Variants in MYRFL observed in about 807,000 individuals in gnomAD.
MYRFL encodes myelin regulatory factor-like protein.
MYRFL carries 88 observed loss-of-function variants against 109.4 expected under a neutral mutation model. That is an observed-to-expected ratio of 0.80 (90% CI 0.68 to 0.96). MYRFL has a LOEUF of 0.96. Ranked by LOEUF, MYRFL falls within the 40% of genes least tolerant of loss-of-function variation. The probability of loss-of-function intolerance (pLI) is 0.00; values close to 1 mark genes in which losing one functional copy is unlikely to be tolerated. For missense variants in MYRFL, 957 were observed against 954.9 expected, an observed-to-expected ratio of 1.00 and a Z score of -0.03; for synonymous variants, 324 against 320.9, an observed-to-expected ratio of 1.01 and a Z score of -0.10.
chr12:69,895,274 C>A, intron 8 of MYRFL, 97 bp from the exon 9 acceptor site: 5 of 891,972 alleles, frequency 5.6e-6, no homozygotes, highest in Non-Finnish European at 8.5e-6. Flanking sequence ...AACTGGGAAC[C>A]AAGCATAGAT....
intron 1 of MYRFL, among the ~76,000 whole-genome samples, chr12:69,845,285 A>G (rs1447139892): frequency 6.6e-6 from 1 of 152,106 alleles, no homozygotes; most frequent in Non-Finnish European, 1.5e-5. Flanking sequence ...TCTTTTTCAC[A>G]GCTGGGTCCC....
chr12:69,849,514 A>G (rs1488118567), intron 1 of MYRFL, among the ~76,000 whole-genome samples: 1 of 152,202 alleles, frequency 6.6e-6, no homozygotes, highest in Non-Finnish European at 1.5e-5. Context: ...TCATGAAAAT[A>G]CTTTGGATAC....
chr12:69,876,708 C>T (rs1885684582), intron 2 of MYRFL, among the ~76,000 whole-genome samples: 1 of 152,146 alleles, frequency 6.6e-6, no homozygotes, highest in Admixed American at 6.5e-5. Context: ...CTACGTTTTC[C>T]TCGAGTACAT....
intron 2 of MYRFL, among the ~76,000 whole-genome samples, chr12:69,864,305 G>A (rs1481334888): frequency 6.6e-6 from 1 of 151,696 alleles, no homozygotes; most frequent in Admixed American, 6.6e-5. Flanking sequence ...TTGATATTTT[G>A]CACAGGTCAC....
At chr12:69,869,617 T>A (rs147062730) in intron 2 of MYRFL, among the ~76,000 whole-genome samples, 157 of 152,328 alleles carry the variant, frequency 1.0e-3, no homozygotes, top group Middle Eastern at 3.4e-3. Flanking sequence ...TATTGGGCAC[T>A]GTGCTGAGCC....
chr12:69,956,867 A>AT (rs2120564564), intron 22 of MYRFL, among the ~76,000 whole-genome samples: 1 of 152,298 alleles, frequency 6.6e-6, no homozygotes, highest in African/African-American at 2.4e-5. Flanking sequence ...AAGTGCTATT[A>AT]TCTAGCACTC....
Position 69,879,277 on chromosome 12 carries a change from G to T in MYRFL, c.288G>T (p.Pro96=). Residue 96 remains proline (P), a synonymous_variant, in exon 4 of 25, where the codon CCG becomes CCT. Coordinates refer to ENST00000552032, the MANE Select transcript of MYRFL (RefSeq NM_182530.3). ...ACCCCACAGCTGCTCCTGCGATGCC[G>T]CCCATGCACCCGCTGCAGAGCACCT... ...FLHPTAAPAM[P]PMHPLQSTSG... 1.4e-6 allele frequency: 1 copy of T among 702,836 alleles called. No homozygotes were observed. Among genetic ancestry groups the T allele is most frequent in the Non-Finnish European group, 2.6e-6 (1 of 384,824 alleles). The allele number at this position is 702,836 out of a possible 1,614,324, so 43.5% of individuals were successfully genotyped here.
chr12:69,865,829 G>A (rs1884987136), intron 2 of MYRFL, among the ~76,000 whole-genome samples: 1 of 152,218 alleles, frequency 6.6e-6, no homozygotes, highest in Non-Finnish European at 1.5e-5. Flanking sequence ...CTACCTTTGA[G>A]GTGGGTGATG....
chr12:69,906,348 G>A (rs75008790), intron 11 of MYRFL, among the ~76,000 whole-genome samples: 5,386 of 152,202 alleles, frequency 0.035, 131 homozygotes, highest in South Asian at 0.054. Flanking sequence ...CATTGGCATC[G>A]TGTCTACTGA....
At chr12:69,908,940 G>A (rs74400778) in intron 11 of MYRFL, among the ~76,000 whole-genome samples, 28,108 of 151,778 alleles carry the variant, frequency 0.19, 3,785 homozygotes, top group African/African-American at 0.38. Flanking sequence ...AAAGGCCCCA[G>A]TGTATGTTGC....
chr12:69,833,828 CTTTT>C (rs11300053), intron 1 of MYRFL, among the ~76,000 whole-genome samples: 1 of 113,908 alleles, frequency 8.8e-6, no homozygotes, highest in Non-Finnish European at 1.7e-5. Flanking sequence ...ATAGGGCTTG[CTTTT>C]TTTTTTTTTT....
At position 69,952,144 on chromosome 12, in the gene MYRFL, T is replaced by G. The variant is rs1955992971; in HGVS notation, c.2256T>G (p.Asn752Lys). The change falls in exon 20 of 25, where the codon AAT becomes AAG. Residue 752 changes from asparagine to lysine, a missense_variant. Asn to Lys is a moderately conservative substitution (Grantham distance 94). Coordinates refer to ENST00000552032, the MANE Select transcript of MYRFL (RefSeq NM_182530.3). ...EDKSKSVLAR[N>K]ALSGPDWESD... is the part of the protein sequence containing the mutation. ...AAAGCAAATCAGTTTTGGCAAGAAA[T>G]GCACTCAGCGGCCCTGACTGGGAGA... The G allele has an allele frequency of 2.0e-6, 3 of 1,535,976 alleles. No individual in the cohort carries two copies. The highest frequency in any genetic ancestry group is 2.6e-6 in the Non-Finnish European group (3 of 1,146,908).
intron 18 of MYRFL, 36 bp from the exon 19 acceptor site, chr12:69,936,414 CCTT>C (rs1345097454): frequency 5.2e-6 from 8 of 1,527,138 alleles, no homozygotes; most frequent in Non-Finnish European, 6.1e-6. Flanking sequence ...TTCAGGTTAA[CCTT>C]CTTGCTTCCC....
intron 8 of MYRFL, among the ~76,000 whole-genome samples, 178 bp from the exon 9 acceptor site, chr12:69,895,193 A>C (rs1021904129): frequency 4.6e-5 from 7 of 152,192 alleles, no homozygotes; most frequent in Non-Finnish European, 7.3e-5. Flanking sequence ...CCTGGCAGCT[A>C]TTCCTGACCA....
intron 19 of MYRFL, among the ~76,000 whole-genome samples, chr12:69,945,018 GAAA>G (rs1033107200): frequency 6.6e-6 from 1 of 151,148 alleles, no homozygotes; most frequent in Non-Finnish European, 1.5e-5. Flanking sequence ...TTTAAAATGT[GAAA>G]AAAAATTAAA....
intron 1 of MYRFL, among the ~76,000 whole-genome samples, chr12:69,848,126 A>T (rs1354765161): frequency 6.6e-6 from 1 of 152,106 alleles, no homozygotes; most frequent in African/African-American, 2.4e-5. Context: ...CTAAATTCTC[A>T]TAAGTATGTT....
At chr12:69,904,715 T>C (rs977714433) in intron 11 of MYRFL, among the ~76,000 whole-genome samples, 1 of 152,242 alleles carries the variant, frequency 6.6e-6, no homozygotes, top group Non-Finnish European at 1.5e-5. Context: ...TTTTCTGCCA[T>C]TTAATTATTT....
At chr12:69,943,554 A>G (rs1434086951) in intron 19 of MYRFL, among the ~76,000 whole-genome samples, 1 of 151,642 alleles carries the variant, frequency 6.6e-6, no homozygotes, top group Middle Eastern at 3.4e-3. Context: ...AAAGACTTAC[A>G]TGTTAGACCT....
At chr12:69,932,685 T>G in intron 16 of MYRFL, 87 bp downstream of exon 16, 1 of 977,380 alleles carries the variant, frequency 1.0e-6, no homozygotes, top group Non-Finnish European at 1.5e-6. Flanking sequence ...GGGACTGGCC[T>G]GTTTACTTTG....
Sources: allele counts gnomAD v4.1 joint callset (sites outside exome capture counted in the v4.1 genomes callset), GRCh38; gene constraint gnomAD v4.1.1; transcripts MANE v1.5; gene names NCBI Gene and HGNC (gene_info 2026-07-23, HGNC 2026-07-21).